The following BTBD9 variants were observed in gnomAD, a reference collection of about 807,000 sequenced individuals.
BTBD9 encodes BTB/POZ domain-containing protein 9.
In BTBD9, 49 loss-of-function variants were observed where a neutral mutation model predicts 64.3. The observed-to-expected ratio is 0.76, with a 90% CI of 0.61 to 0.97. BTBD9 has a LOEUF of 0.97. Among genes scored for constraint, BTBD9 ranks in the 50% least tolerant of loss-of-function variants. The pLI is 0.00. For missense variants in BTBD9, 598 were observed against 762.1 expected (o/e 0.78, Z 2.53); for synonymous variants, 260 against 274.7 (o/e 0.95, Z 0.53).
chr6:38,434,686 A>G (rs1358418185), intron 6 of BTBD9, among the ~76,000 whole-genome samples: 1 of 152,032 alleles, frequency 6.6e-6, no homozygotes, highest in African/African-American at 2.4e-5. Context: ...TTTTGTCAAC[A>G]AAAGACTGAA....
chr6:38,637,651 T>A (rs1017423732), intron 1 of BTBD9, among the ~76,000 whole-genome samples: 2 of 152,186 alleles, frequency 1.3e-5, no homozygotes, highest in Non-Finnish European at 2.9e-5. Flanking sequence ...ATCATTTCAG[T>A]AAATTTCCAA....
intron 9 of BTBD9, among the ~76,000 whole-genome samples, chr6:38,247,020 C>G (rs1422820983): frequency 6.6e-6 from 1 of 152,096 alleles, no homozygotes; most frequent in Non-Finnish European, 1.5e-5. Context: ...CACAAAACTC[C>G]AAATCACATG....
At chr6:38,195,219 C>A (rs1305499913) in intron 9 of BTBD9, among the ~76,000 whole-genome samples, 1 of 152,212 alleles carries the variant, frequency 6.6e-6, no homozygotes. Context: ...CACTATGAAA[C>A]CTCAAAGGAG....
chr6:38,630,821 G>C (rs961341109), intron 1 of BTBD9, among the ~76,000 whole-genome samples: 2 of 152,116 alleles, frequency 1.3e-5, no homozygotes, highest in Non-Finnish European at 2.9e-5. Context: ...GAAATAAAAT[G>C]GATCTACTTA....
chr6:38,625,119 A>G (rs1216149726), intron 1 of BTBD9, among the ~76,000 whole-genome samples: 2 of 152,116 alleles, frequency 1.3e-5, no homozygotes, highest in East Asian at 1.9e-4. Context: ...AGACCTTTAA[A>G]GCTTCTAATT....
intron 8 of BTBD9, among the ~76,000 whole-genome samples, chr6:38,284,562 C>T (rs758189395): frequency 1.6e-4 from 24 of 152,164 alleles, no homozygotes; most frequent in Non-Finnish European, 2.5e-4. Context: ...CCCCTCCCCC[C>T]AGTTTCCCCT....
chr6:38,347,252 C>A (rs1173879715), intron 6 of BTBD9, among the ~76,000 whole-genome samples: 1 of 152,124 alleles, frequency 6.6e-6, no homozygotes, highest in Non-Finnish European at 1.5e-5. Context: ...ATTTTATACC[C>A]TTATGATAGT....
intron 6 of BTBD9, among the ~76,000 whole-genome samples, chr6:38,365,520 C>T (rs1231257907): frequency 6.6e-6 from 1 of 152,086 alleles, no homozygotes; most frequent in Non-Finnish European, 1.5e-5. Flanking sequence ...GGAGGGAGGA[C>T]TGCTTGAGTC....
intron 4 of BTBD9, among the ~76,000 whole-genome samples, chr6:38,581,578 G>A (rs943571150): frequency 2.0e-5 from 3 of 152,224 alleles, no homozygotes; most frequent in Admixed American, 2.0e-4. Flanking sequence ...TCACAGATGT[G>A]GAACCTATCT....
intron 6 of BTBD9, among the ~76,000 whole-genome samples, chr6:38,449,340 G>A (rs1304479632): frequency 2.0e-5 from 3 of 152,122 alleles, no homozygotes; most frequent in Non-Finnish European, 4.4e-5. Flanking sequence ...GAACAAAGCT[G>A]GAGGCATCAC....
intron 7 of BTBD9, among the ~76,000 whole-genome samples, chr6:38,326,788 G>A (rs2127578969): frequency 6.6e-6 from 1 of 151,890 alleles, no homozygotes. Flanking sequence ...GGTGTTGCGG[G>A]TAGGGGTATC....
At position 38,229,147 on chromosome 6, in the gene BTBD9, G is replaced by C. The variant is rs530808281; in HGVS notation, c.1562+27262C>G. On this transcript the variant is annotated intron_variant, in intron 9 of 10. Coordinates refer to ENST00000481247, the MANE Select transcript of BTBD9 (RefSeq NM_001099272.2). ...TGGGAGGTGGAGGTTGCAGTGAGTGGAGATCACACCACTGCACTCCAGCCT... is the reference window on the plus strand; with the variant it reads ...TGGGAGGTGGAGGTTGCAGTGAGTGCAGATCACACCACTGCACTCCAGCCT... Among the ~76,000 whole-genome samples, 16 of 150,064 alleles carry C rather than the reference G, an allele frequency of 1.1e-4. 1 individual carries two copies. Among genetic ancestry groups the C allele is most frequent in the Admixed American group, 5.3e-4 (8 of 15,078 alleles).
intron 6 of BTBD9, among the ~76,000 whole-genome samples, chr6:38,351,705 T>C (rs1023643850): frequency 6.6e-5 from 10 of 151,986 alleles, no homozygotes; most frequent in African/African-American, 2.4e-4. Context: ...TTCACCATGT[T>C]AGCCAGTATG....
intron 7 of BTBD9, among the ~76,000 whole-genome samples, chr6:38,297,460 A>G (rs74723202): frequency 0.035 from 5,379 of 152,310 alleles, 177 homozygotes; most frequent in East Asian, 0.083. Flanking sequence ...TTGAGACCAC[A>G]TCATCATGTA....
At chr6:38,447,509 GA>G (rs1249560424) in intron 6 of BTBD9, among the ~76,000 whole-genome samples, 1 of 152,174 alleles carries the variant, frequency 6.6e-6, no homozygotes, top group Non-Finnish European at 1.5e-5. Flanking sequence ...ACCAGCAGGA[GA>G]AGAAACAAGA....
intron 1 of BTBD9, among the ~76,000 whole-genome samples, chr6:38,633,034 T>C (rs542777079): frequency 6.6e-6 from 1 of 152,324 alleles, no homozygotes. Context: ...ATACAGCACG[T>C]CTTCATAGGA....
intron 6 of BTBD9, among the ~76,000 whole-genome samples, chr6:38,357,018 T>C (rs534199539): frequency 6.6e-6 from 1 of 152,334 alleles, no homozygotes; most frequent in East Asian, 1.9e-4. Flanking sequence ...AATCCTCCTA[T>C]GGTATGACCT....
intron 7 of BTBD9, among the ~76,000 whole-genome samples, chr6:38,309,560 G>T (rs202012892): frequency 2.0e-5 from 3 of 150,764 alleles, no homozygotes; most frequent in African/African-American, 7.3e-5. Context: ...CTACAGGCAC[G>T]CACCACCACG....
intron 6 of BTBD9, among the ~76,000 whole-genome samples, chr6:38,513,542 T>C (rs918989938): frequency 1.3e-5 from 2 of 152,088 alleles, no homozygotes; most frequent in African/African-American, 2.4e-5. Context: ...GAAGAGATGT[T>C]CCTTGGGCTG....
Sources: gnomAD v4.1 joint callset for allele counts (sites outside exome capture counted in the v4.1 genomes callset) on GRCh38, gnomAD v4.1.1 for gene constraint, MANE v1.5 for transcripts, NCBI Gene and HGNC (gene_info 2026-07-23, HGNC 2026-07-21) for gene names.